The following ARHGEF28 variants were observed in gnomAD, a reference collection of about 807,000 sequenced individuals.
ARHGEF28 encodes the protein 190 kDa guanine nucleotide exchange factor.
A neutral mutation model predicts 206.6 loss-of-function variants in ARHGEF28; 152 were observed. The observed-to-expected ratio is 0.74, with a 90% CI of 0.64 to 0.84. The LOEUF is 0.84. ARHGEF28 is among the 40% of genes least tolerant of loss of function. The probability of loss-of-function intolerance (pLI) is 0.00; values close to 1 mark genes in which losing one functional copy is unlikely to be tolerated. For synonymous variants in ARHGEF28, 763 were observed against 776.4 expected (o/e 0.98, Z 0.29); for missense variants, 2,028 against 2,073.2 (o/e 0.98, Z 0.42).
chr5:73,701,380 T>C (rs554627801), intron 2 of ARHGEF28, among the ~76,000 whole-genome samples: 1 of 152,224 alleles, frequency 6.6e-6, no homozygotes, highest in Non-Finnish European at 1.5e-5. Flanking sequence ...CCATATAAGG[T>C]GATATCTGAC....
In ARHGEF28 at chr5:73,773,985, A is replaced by G; in HGVS notation, c.606A>G (p.Pro202=). The G allele has an allele frequency of 2.5e-6, 4 of 1,606,860 alleles. No homozygotes were observed. Among genetic ancestry groups the G allele is most frequent in the Non-Finnish European group, 3.4e-6 (4 of 1,176,462 alleles). Residue 202 remains proline (P), a synonymous_variant, in exon 5 of 36, where the codon CCA becomes CCG. Transcript: ENST00000513042. ...LALPNEEGAT[P]LDLALREGHS... ...TACCCAACGAAGAGGGTGCCACACC[A>G]TTAGACTTAGCTTTACGTGAAGGAC...
At chr5:73,664,671 T>G (rs1003558112) in intron 1 of ARHGEF28, among the ~76,000 whole-genome samples, 1 of 152,198 alleles carries the variant, frequency 6.6e-6, no homozygotes, top group Admixed American at 6.5e-5. Context: ...CCTCTAGTTT[T>G]CTCTTGGAGT....
intron 22 of ARHGEF28, among the ~76,000 whole-genome samples, chr5:73,880,251 C>G (rs1248250181): frequency 6.6e-6 from 1 of 152,204 alleles, no homozygotes; most frequent in Non-Finnish European, 1.5e-5. Flanking sequence ...ATATAATATC[C>G]TGGTGCGCCG....
chr5:73,915,893 T>C (rs908186009), intron 35 of ARHGEF28, among the ~76,000 whole-genome samples: 2 of 152,186 alleles, frequency 1.3e-5, no homozygotes, highest in Non-Finnish European at 2.9e-5. Flanking sequence ...TTGTTATGCA[T>C]AGGCTAAAAT....
chr5:73,886,934 T>A (rs977929475), intron 25 of ARHGEF28, among the ~76,000 whole-genome samples: 1 of 152,246 alleles, frequency 6.6e-6, no homozygotes, highest in Non-Finnish European at 1.5e-5. Flanking sequence ...GGTTGTTAAA[T>A]TCTAGCTACT....
intron 22 of ARHGEF28, among the ~76,000 whole-genome samples, chr5:73,877,328 CT>C (rs1329609076): frequency 6.7e-6 from 1 of 149,736 alleles, no homozygotes; most frequent in Non-Finnish European, 1.5e-5. Flanking sequence ...CTTTATTAGT[CT>C]TGCTAGCGGT....
intron 4 of ARHGEF28, among the ~76,000 whole-genome samples, chr5:73,766,332 A>C (rs1192954195): frequency 6.6e-6 from 1 of 152,234 alleles, no homozygotes; most frequent in East Asian, 1.9e-4. Flanking sequence ...TATGGTATCC[A>C]TCACATTTTT....
chr5:73,736,435 C>T (rs1471661009), intron 2 of ARHGEF28, among the ~76,000 whole-genome samples: 1 of 152,116 alleles, frequency 6.6e-6, no homozygotes, highest in Non-Finnish European at 1.5e-5. Flanking sequence ...TCTCTCTTTC[C>T]TCATCTATAA....
intron 31 of ARHGEF28, 199 bp downstream of exon 31, chr5:73,901,483 T>C (rs1247131373): frequency 3.4e-5 from 15 of 437,722 alleles, no homozygotes; most frequent in Non-Finnish European, 5.5e-5. Context: ...CATGTAGGTG[T>C]AAACAAAGCA....
intron 1 of ARHGEF28, among the ~76,000 whole-genome samples, chr5:73,635,926 A>G (rs1391758731): frequency 3.3e-5 from 5 of 152,164 alleles, no homozygotes; most frequent in Non-Finnish European, 7.3e-5. Context: ...AAATAGAAGT[A>G]TTTCTCTTAA....
chr5:73,643,578 G>A (rs192665723), intron 1 of ARHGEF28, among the ~76,000 whole-genome samples: 2 of 152,072 alleles, frequency 1.3e-5, no homozygotes, highest in African/African-American at 4.8e-5. Context: ...ACTCTGAGAG[G>A]CCAAGGCAGG....
intron 9 of ARHGEF28, among the ~76,000 whole-genome samples, chr5:73,809,334 T>G (rs1457590072): frequency 6.6e-6 from 1 of 152,234 alleles, no homozygotes; most frequent in Non-Finnish European, 1.5e-5. Context: ...TTCTTCACTG[T>G]TATAATCTCA....
intron 2 of ARHGEF28, among the ~76,000 whole-genome samples, chr5:73,736,296 GTGGGGGA>G (rs1750926687): frequency 6.6e-6 from 1 of 152,176 alleles, no homozygotes; most frequent in African/African-American, 2.4e-5. Context: ...AGGCTTTGCT[GTGGGGGA>G]CGCAGCACTG....
intron 2 of ARHGEF28, among the ~76,000 whole-genome samples, chr5:73,704,883 A>T (rs1376308869): frequency 6.6e-6 from 1 of 152,212 alleles, no homozygotes; most frequent in Non-Finnish European, 1.5e-5. Flanking sequence ...CAGAAGTCCC[A>T]TAATAGTCAG....
intron 2 of ARHGEF28, among the ~76,000 whole-genome samples, chr5:73,704,810 A>G (rs1748837691): frequency 6.6e-6 from 1 of 152,144 alleles, no homozygotes; most frequent in South Asian, 2.1e-4. Context: ...TACAGTTGTT[A>G]AACCTCTTTG....
At chr5:73,684,139 C>T (rs771346946) in intron 1 of ARHGEF28, among the ~76,000 whole-genome samples, 12 of 152,182 alleles carry the variant, frequency 7.9e-5, no homozygotes, top group Non-Finnish European at 1.3e-4. Flanking sequence ...AGTACATTCA[C>T]ATTGTTGTGC....
At chr5:73,892,259 G>A (rs1408144521) in intron 27 of ARHGEF28, 29 bp downstream of exon 27, 3 of 1,538,910 alleles carry the variant, frequency 1.9e-6, no homozygotes, top group Admixed American at 4.1e-5. Flanking sequence ...CATAATCTAT[G>A]GAACAGAGTT....
intron 9 of ARHGEF28, among the ~76,000 whole-genome samples, chr5:73,809,825 T>G (rs139407543): frequency 2.0e-5 from 3 of 152,340 alleles, no homozygotes; most frequent in African/African-American, 7.2e-5. Context: ...GTATCTTCCA[T>G]GAAAGCATTC....
At chr5:73,645,527 T>A (rs1744375020) in intron 1 of ARHGEF28, among the ~76,000 whole-genome samples, 7 of 152,196 alleles carry the variant, frequency 4.6e-5, no homozygotes, top group Admixed American at 3.3e-4. Context: ...CTCCCTTGAC[T>A]AATTTTAATT....
Sources: allele counts gnomAD v4.1 joint callset (sites outside exome capture counted in the v4.1 genomes callset), GRCh38; gene constraint gnomAD v4.1.1; transcripts MANE v1.5; gene names NCBI Gene and HGNC (gene_info 2026-07-23, HGNC 2026-07-21).